Variants in CORIN observed in about 807,000 individuals in gnomAD.
CORIN encodes the protein corin, serine peptidase.
CORIN carries 117 observed loss-of-function variants against 125.3 expected under a neutral mutation model. That is an observed-to-expected ratio of 0.93 (90% confidence interval 0.80 to 1.09). CORIN has a LOEUF of 1.09. Among genes scored for constraint, CORIN ranks in the 50% least tolerant of loss-of-function variants. The probability of loss-of-function intolerance (pLI) is 0.00; values close to 1 mark genes in which losing one functional copy is unlikely to be tolerated. For synonymous variants in CORIN, 450 were observed against 466.4 expected (o/e 0.96, Z 0.45); for missense variants, 1,253 against 1,306.7 (o/e 0.96, Z 0.63).
At chr4:47,825,150 G>C (rs147917532) in intron 1 of CORIN, among the ~76,000 whole-genome samples, 110 of 152,332 alleles carry the variant, frequency 7.2e-4, no homozygotes, top group African/African-American at 2.6e-3. Context: ...AGCCAAGCAA[G>C]AGAGGCTGTG....
At position 47,603,602 on chromosome 4, in the gene CORIN, G is replaced by A. The variant is rs1721533497; in HGVS notation, c.2607C>T (p.Phe869=). 1 of 1,614,062 alleles carries A rather than the reference G, an allele frequency of 6.2e-7. No homozygotes were observed. Among genetic ancestry groups the A allele is most frequent in the Non-Finnish European group, 8.5e-7 (1 of 1,180,034 alleles). Residue 869 remains phenylalanine (F), a synonymous_variant, in exon 20 of 22, where the codon TTC becomes TTT. Transcript: ENST00000273857. ...GINNLDHPSV[F]MQTRFVKTII... ...TGGTCTTCACAAAGCGTGTCTGCAT[G>A]AACACTGATGGATGGTCTAGATTGT...
intron 5 of CORIN, among the ~76,000 whole-genome samples, chr4:47,704,017 G>A (rs982770156): frequency 4.6e-5 from 7 of 152,166 alleles, no homozygotes; most frequent in Admixed American, 6.5e-5. Flanking sequence ...CTTCAGGAAA[G>A]TTGATTTTCA....
intron 17 of CORIN, 80 bp downstream of exon 17, chr4:47,626,325 T>TA (rs1375953741): frequency 2.4e-5 from 21 of 875,354 alleles, no homozygotes; most frequent in Non-Finnish European, 3.7e-5. Flanking sequence ...TATCTTAAGT[T>TA]AAAAAATGGA....
At chr4:47,778,058 A>G (rs997297949) in intron 3 of CORIN, among the ~76,000 whole-genome samples, 1 of 152,164 alleles carries the variant, frequency 6.6e-6, no homozygotes, top group Non-Finnish European at 1.5e-5. Flanking sequence ...TTAAAAGATC[A>G]TTTTGACCAG....
At chr4:47,681,860 CT>C (rs1725295722) in intron 7 of CORIN, 1 of 152,160 alleles carries the variant, frequency 6.6e-6, no homozygotes. Context: ...CACTGCAGCA[CT>C]ACTCACAATA....
At chr4:47,819,845 A>G (rs888182276) in intron 1 of CORIN, among the ~76,000 whole-genome samples, 6 of 152,326 alleles carry the variant, frequency 3.9e-5, no homozygotes, top group Non-Finnish European at 8.8e-5. Context: ...CAAATAAGCC[A>G]AAGATAAAAT....
intron 13 of CORIN, among the ~76,000 whole-genome samples, chr4:47,646,174 C>G (rs1256984896): frequency 6.6e-6 from 1 of 151,832 alleles, no homozygotes; most frequent in African/African-American, 2.4e-5. Flanking sequence ...TAAGACTTAT[C>G]TATAAAATAA....
intron 5 of CORIN, among the ~76,000 whole-genome samples, chr4:47,729,515 C>T (rs756930758): frequency 8.6e-5 from 13 of 152,042 alleles, no homozygotes; most frequent in Non-Finnish European, 1.6e-4. Context: ...AGAGCAAAAA[C>T]AAAAACATTA....
chr4:47,783,311 A>G (rs930124840), intron 3 of CORIN, among the ~76,000 whole-genome samples: 2 of 152,128 alleles, frequency 1.3e-5, no homozygotes, highest in Non-Finnish European at 2.9e-5. Context: ...TTTTCACATT[A>G]TAATTTGTTT....
chr4:47,658,084 T>C (rs1031862501), intron 12 of CORIN, among the ~76,000 whole-genome samples: 1 of 152,200 alleles, frequency 6.6e-6, no homozygotes, highest in Non-Finnish European at 1.5e-5. Context: ...CTTCTACCTA[T>C]GAGCCTGTAA....
intron 5 of CORIN, among the ~76,000 whole-genome samples, chr4:47,695,610 G>A (rs896907014): frequency 2.0e-5 from 3 of 152,178 alleles, no homozygotes; most frequent in Non-Finnish European, 2.9e-5. Flanking sequence ...TCCTCATCTG[G>A]AAGTGTGGCT....
At position 47,731,801 on chromosome 4, in the gene CORIN, G is replaced by A. The variant is rs111405609; in HGVS notation, c.799+12601C>T. ...GAAGAATTGCTTGAACCCAGGAGGC[G>A]GAGGTTGCAGTGAGCCAAGATTGCA... On this transcript the variant is annotated intron_variant, in intron 5 of 21. Transcript: ENST00000273857. 1.2e-4 allele frequency among the ~76,000 whole-genome samples: 19 copies of A among 152,044 alleles called. 2 individuals are homozygous for A. The highest frequency in any genetic ancestry group is 3.9e-4 in the Admixed American group (6 of 15,288).
chr4:47,725,551 G>C (rs1352713540), intron 5 of CORIN, among the ~76,000 whole-genome samples: 1 of 151,882 alleles, frequency 6.6e-6, no homozygotes, highest in African/African-American at 2.4e-5. Context: ...AATGTGTCTG[G>C]AACAAATGGA....
At position 47,623,703 on chromosome 4, in the gene CORIN, A is replaced by G. The variant is rs1236885132; in HGVS notation, c.2408T>C (p.Leu803Pro). The part of the protein sequence containing the change: ...RPAARMNKRI[L>P]GGRTSRPGRW... ...TCCAGGGCGACTCGTCCGACCTCCA[A>G]GGATCCTTTTGTTCATTCGGGCAGC... The change falls in exon 19 of 22, where the codon CTT becomes CCT. Residue 803 changes from leucine (L) to proline (P), a missense_variant. By Grantham distance (98) the Leu-to-Pro change is moderately conservative (BLOSUM62 -3). Coordinates refer to ENST00000273857, the MANE Select transcript of CORIN (RefSeq NM_006587.4). 1 of 1,614,210 alleles carries G rather than the reference A, an allele frequency of 6.2e-7. No homozygotes were observed.
intron 3 of CORIN, among the ~76,000 whole-genome samples, chr4:47,772,073 T>TTAGATAGA (rs1201118141): frequency 1.8e-5 from 2 of 110,622 alleles, no homozygotes; most frequent in African/African-American, 3.4e-5. Context: ...AGCTTTCACA[T>TTAGATAGA]TACATAGATA....
intron 19 of CORIN, among the ~76,000 whole-genome samples, chr4:47,612,144 C>G (rs914520152): frequency 2.0e-5 from 3 of 152,166 alleles, no homozygotes; most frequent in African/African-American, 7.2e-5. Flanking sequence ...ATGGTACCAG[C>G]TCCTCTTTGT....
chr4:47,790,654 C>T (rs1472491476), intron 2 of CORIN, among the ~76,000 whole-genome samples: 1 of 152,110 alleles, frequency 6.6e-6, no homozygotes, highest in Admixed American at 6.5e-5. Flanking sequence ...TTCTCCGTAA[C>T]TGTTAGTCAT....
rs1482278221 is a variant in CORIN, at chr4:47,626,446, C to T, written c.2274G>A (p.Glu758=). Residue 758 remains glutamate (E), a synonymous_variant, in exon 17 of 22, where the codon GAG becomes GAA. Coordinates refer to ENST00000273857, the MANE Select transcript of CORIN (RefSeq NM_006587.4). The part of the protein sequence containing the change: ...PRWLTLHSNW[E]SLNGTTLHEL... Reference sequence around the variant, plus strand: ...CATGTAAAGTGGTCCCATTGAGGCTCTCCCAGTTGGAGTGTAATGTCAGCC... The same window carrying T: ...CATGTAAAGTGGTCCCATTGAGGCTTTCCCAGTTGGAGTGTAATGTCAGCC... The T allele has an allele frequency of 6.2e-7, 1 of 1,613,900 alleles. No homozygotes were observed. Among genetic ancestry groups the T allele is most frequent in the East Asian group, 2.2e-5 (1 of 44,876 alleles).
intron 5 of CORIN, among the ~76,000 whole-genome samples, chr4:47,725,058 A>G (rs1384861259): frequency 6.6e-6 from 1 of 152,178 alleles, no homozygotes; most frequent in African/African-American, 2.4e-5. Context: ...AATAGCTCTC[A>G]AAGTATCTAA....
Sources: allele counts gnomAD v4.1 joint callset (sites outside exome capture counted in the v4.1 genomes callset), GRCh38; gene constraint gnomAD v4.1.1; transcripts MANE v1.5; gene names NCBI Gene and HGNC (gene_info 2026-07-23, HGNC 2026-07-21).